The following PTPRS variants were observed in gnomAD, a reference collection of about 807,000 sequenced individuals.
The protein encoded by PTPRS is receptor-type tyrosine-protein phosphatase S.
In PTPRS, 63 loss-of-function variants were observed where a neutral mutation model predicts 215.3. That is an observed-to-expected ratio of 0.29 (90% confidence interval 0.24 to 0.36). The LOEUF is 0.36. Ranked by LOEUF, PTPRS falls within the 10% of genes least tolerant of loss-of-function variation. PTPRS has a pLI of 1.00. For synonymous variants in PTPRS, 1,404 were observed against 1,191.4 expected (o/e 1.18, Z -3.68); for missense variants, 2,258 against 2,825.8 (o/e 0.80, Z 4.56).
In PTPRS at chr19:5,265,203, G is replaced by A. The variant is rs1401305265; in HGVS notation, c.380-7C>T. ...CCAGAGGGCAGCTGGTCCTCTGAGG[G>A]CAGAGACGTGAGAGAAATGGGCATG... On this transcript the variant is annotated splice_polypyrimidine_tract_variant and splice_region_variant and intron_variant, in intron 4 of 37. Transcript: ENST00000262963. 6 of 1,611,616 alleles carry A rather than the reference G, an allele frequency of 3.7e-6. No homozygotes were observed. The highest frequency in any genetic ancestry group is 1.7e-5 in the Admixed American group (1 of 59,828).
At chr19:5,285,172 G>GTT (rs2048238121) in intron 2 of PTPRS, among the ~76,000 whole-genome samples, 3 of 152,178 alleles carry the variant, frequency 2.0e-5, no homozygotes, top group Non-Finnish European at 4.4e-5. Flanking sequence ...CTGTGACAGT[G>GTT]GGTAAGGGAG....
intron 1 of PTPRS, among the ~76,000 whole-genome samples, chr19:5,332,977 C>T (rs929972358): frequency 1.4e-5 from 2 of 147,408 alleles, no homozygotes; most frequent in Admixed American, 6.8e-5. Flanking sequence ...GGTAAAACCC[C>T]ATCTCTACCA....
intron 1 of PTPRS, among the ~76,000 whole-genome samples, chr19:5,310,556 G>A (rs899617885): frequency 4.6e-5 from 7 of 152,020 alleles, no homozygotes; most frequent in African/African-American, 1.7e-4. Flanking sequence ...GACCTCAAGT[G>A]ATCTGCCCAC....
chr19:5,246,167 G>T, intron 9 of PTPRS, 122 bp from the exon 10 acceptor site: 1 of 476,006 alleles, frequency 2.1e-6, no homozygotes, highest in Non-Finnish European at 3.3e-6. Flanking sequence ...AAGAAAGAAG[G>T]AAAGAAAGAA....
Position 5,237,154 on chromosome 19 carries a change from G to A in PTPRS, c.1849+1765C>T, listed in dbSNP as rs144364471. On this transcript the variant is annotated intron_variant, in intron 13 of 37. Transcript: ENST00000262963. This position sits in a 1 kb window ranked among gnomAD's most constrained non-coding sequence, Gnocchi z 4.2. ...GTCTCAGGATGCCAGTGGCCCCGCA[G>A]CCCTGCTCCAGCCCCCAGCGTGCGC... 1.8e-4 allele frequency among the ~76,000 whole-genome samples: 28 copies of A among 152,276 alleles called. No individual in the cohort carries two copies. Among genetic ancestry groups the A allele is most frequent in the African/African-American group, 6.7e-4 (28 of 41,562 alleles).
At chr19:5,213,066 A>T (rs1285827656) in intron 30 of PTPRS, among the ~76,000 whole-genome samples, 1 of 152,084 alleles carries the variant, frequency 6.6e-6, no homozygotes, top group Non-Finnish European at 1.5e-5. Flanking sequence ...AGTCACCCTT[A>T]ACTCTTCCCC....
chr19:5,274,132 C>T (rs2047156955), intron 3 of PTPRS, 67 bp downstream of exon 3: 1 of 1,558,536 alleles, frequency 6.4e-7, no homozygotes, highest in Admixed American at 1.8e-5. Context: ...TCCACTGTGG[C>T]TGAGGTGCTG....
At position 5,296,416 on chromosome 19, in the gene PTPRS, G is replaced by A. The variant is rs543190554; in HGVS notation, c.-94-10182C>T. On this transcript the variant is annotated intron_variant, in intron 1 of 37. Transcript: ENST00000262963. Reference sequence around the variant, plus strand: ...TTGGGAGGCTGAGGGCGGAAGCATCGCTTGAGGCCAGGAAGTTGAGGCTGC... The same window carrying A: ...TTGGGAGGCTGAGGGCGGAAGCATCACTTGAGGCCAGGAAGTTGAGGCTGC... Among the ~76,000 whole-genome samples the A allele has an allele frequency of 5.9e-5, 9 of 152,252 alleles. No individual in the cohort carries two copies. In the South Asian group the frequency reaches 6.2e-4, roughly 11 times the overall value.
At chr19:5,251,429 CTTTT>C (rs60058565) in intron 9 of PTPRS, among the ~76,000 whole-genome samples, 3 of 136,744 alleles carry the variant, frequency 2.2e-5, no homozygotes, top group African/African-American at 8.2e-5. Context: ...GCTCTAGATA[CTTTT>C]TTTTTTTTTT....
chr19:5,323,528 G>A (rs752884027), intron 1 of PTPRS, among the ~76,000 whole-genome samples: 20 of 152,268 alleles, frequency 1.3e-4, no homozygotes, highest in Non-Finnish European at 2.8e-4. Flanking sequence ...GGAAGTCAGG[G>A]AGGTTGCTGT....
chr19:5,218,139 A>G (rs555628980), intron 25 of PTPRS, among the ~76,000 whole-genome samples: 41 of 152,034 alleles, frequency 2.7e-4, no homozygotes, highest in African/African-American at 9.4e-4. Context: ...TGTTTTCTCC[A>G]TTTTTTAAAC....
intron 1 of PTPRS, among the ~76,000 whole-genome samples, chr19:5,301,929 T>C (rs1473163803): frequency 1.3e-5 from 2 of 151,998 alleles, no homozygotes; most frequent in South Asian, 2.1e-4. Context: ...TACAGGTACA[T>C]GCCACCACAC....
chr19:5,282,936 T>C (rs1472439658), intron 2 of PTPRS, among the ~76,000 whole-genome samples: 3 of 152,304 alleles, frequency 2.0e-5, no homozygotes, highest in Admixed American at 6.5e-5. Context: ...GGGGTCTTTA[T>C]TGACCACAAG....
Position 5,274,254 on chromosome 19 carries a change from T to C in PTPRS, c.182A>G (p.Lys61Arg), listed in dbSNP as rs1161635961. The change falls in exon 3 of 38, where the codon AAG becomes AGG. Residue 61 changes from lysine to arginine, a missense_variant. Around this residue, in one of 6 missense-constraint regions of PTPRS, gnomAD observed 508 missense variants for 799.4 expected, o/e 0.64. Coordinates refer to ENST00000262963, the MANE Select transcript of PTPRS (RefSeq NM_002850.4). ...CTTCTTGTTCCAGGTCACTCGTGGC[T>C]TGGGGTCACCCGTGGCCTGACACAC... ...SFVCQATGDPKPRVTWNKKGK... is the reference protein window; with the variant it reads ...SFVCQATGDPRPRVTWNKKGK... 1.9e-6 allele frequency: 3 copies of C among 1,613,930 alleles called. No individual in the cohort carries two copies. The highest frequency in any genetic ancestry group is 2.2e-5 in the East Asian group (1 of 44,878).
intron 30 of PTPRS, among the ~76,000 whole-genome samples, chr19:5,213,221 C>A (rs1400027555): frequency 1.3e-5 from 2 of 152,186 alleles, no homozygotes; most frequent in African/African-American, 4.8e-5. Context: ...CCCACCCAAG[C>A]CCCCCAGTCT....
At chr19:5,264,031 C>T (rs1222396267) in intron 5 of PTPRS, among the ~76,000 whole-genome samples, 1 of 152,186 alleles carries the variant, frequency 6.6e-6, no homozygotes, top group East Asian at 1.9e-4. Flanking sequence ...CATGTGGGTG[C>T]TTTGTGGAGA....
At chr19:5,228,344 G>A (rs1220839790) in intron 16 of PTPRS, among the ~76,000 whole-genome samples, 16 of 35,338 alleles carry the variant, frequency 4.5e-4, no homozygotes, top group Non-Finnish European at 2.9e-4. Context: ...GACTCCGTCT[G>A]GAGAAAAAAA....
At chr19:5,273,236 T>A (rs1395089593) in intron 4 of PTPRS, 1 of 633,954 alleles carries the variant, frequency 1.6e-6, no homozygotes, top group Non-Finnish European at 2.7e-6. Context: ...AGTCTCTCAA[T>A]TCCTTTCTTT....
rs2044282589 is a variant in PTPRS at position 5,244,175 on chromosome 19, G to T, written c.1296C>A (p.Asn432Lys). The T allele has an allele frequency of 6.3e-7, 1 of 1,598,664 alleles. No individual in the cohort carries two copies. The highest frequency in any genetic ancestry group is 8.5e-7 in the Non-Finnish European group (1 of 1,172,002). Residue 432 changes from asparagine (N) to lysine (K), a missense_variant, in exon 11 of 38, where the codon AAC becomes AAA. Coordinates refer to ENST00000262963, the MANE Select transcript of PTPRS (RefSeq NM_002850.4). The surrounding 1 kb of genome is among the most constrained non-coding windows in gnomAD (Gnocchi z 7.2). ...TCGCGCTGAGCATCCGGGCTTGCAC[G>T]TTCCGCGGCGCGCTGGCCGGGGCCT... ...GEQAPASAPR[N>K]VQARMLSATT...
Sources: allele counts gnomAD v4.1 joint callset (sites outside exome capture counted in the v4.1 genomes callset), GRCh38; gene constraint gnomAD v4.1.1; regional missense constraint gnomAD v4.1.1; non-coding constraint Gnocchi (gnomAD v3.1); transcripts MANE v1.5; gene names NCBI Gene and HGNC (gene_info 2026-07-23, HGNC 2026-07-21).